PXDNL: variants seen among roughly 807,000 people sequenced by gnomAD.
PXDNL encodes peroxidasin like.
A neutral mutation model predicts 150.8 loss-of-function variants in PXDNL; 145 were observed. That is an observed-to-expected ratio of 0.96 (90% CI 0.84 to 1.10). The LOEUF (loss-of-function observed/expected upper bound fraction) is 1.10, where lower values mean the gene tolerates loss of function less well. PXDNL is among the 50% of genes least tolerant of loss of function. The pLI, the probability that PXDNL is intolerant of heterozygous loss-of-function variation, is 0.00. For synonymous variants in PXDNL, 757 were observed against 725.7 expected, an observed-to-expected ratio of 1.04 and a Z score of -0.69; for missense variants, 2,087 against 1,873.9, an observed-to-expected ratio of 1.11 and a Z score of -2.10.
intron 5 of PXDNL, among the ~76,000 whole-genome samples, chr8:51,489,255 A>C (rs959390541): frequency 1.4e-4 from 22 of 152,228 alleles, no homozygotes; most frequent in African/African-American, 5.1e-4. Flanking sequence ...TTTACATTGA[A>C]AACTCCAATA....
intron 5 of PXDNL, among the ~76,000 whole-genome samples, chr8:51,497,357 T>A (rs1811075517): frequency 1.3e-5 from 2 of 152,102 alleles, no homozygotes. Context: ...GCAATACCAT[T>A]CAGGACATAG....
intron 22 of PXDNL, 117 bp downstream of exon 22, chr8:51,320,667 G>T: frequency 1.4e-6 from 1 of 730,238 alleles, no homozygotes; most frequent in Non-Finnish European, 2.3e-6. Context: ...TTAAAAATAT[G>T]CCTAGAATCT....
intron 1 of PXDNL, among the ~76,000 whole-genome samples, chr8:51,708,990 C>T (rs1816440983): frequency 6.6e-6 from 1 of 151,878 alleles, no homozygotes; most frequent in Non-Finnish European, 1.5e-5. Context: ...TTTGGGGATT[C>T]CAGCCTTTGG....
At chr8:51,407,197 A>G (rs1170681657) in intron 17 of PXDNL, among the ~76,000 whole-genome samples, 1 of 152,166 alleles carries the variant, frequency 6.6e-6, no homozygotes, top group East Asian at 1.9e-4. Flanking sequence ...GGGTACTCTG[A>G]TTTCTTTTAA....
At chr8:51,707,936 AATATAT>A (rs938578393) in intron 1 of PXDNL, among the ~76,000 whole-genome samples, 1 of 151,780 alleles carries the variant, frequency 6.6e-6, no homozygotes, top group Non-Finnish European at 1.5e-5. Context: ...CGCACATACA[AATATAT>A]ATATATAATA....
At chr8:51,763,850 C>T (rs1421923228) in intron 1 of PXDNL, among the ~76,000 whole-genome samples, 1 of 152,076 alleles carries the variant, frequency 6.6e-6, no homozygotes, top group Non-Finnish European at 1.5e-5. Flanking sequence ...ATCATATTTC[C>T]TCCTCTTCAA....
At chr8:51,556,769 A>G in intron 4 of PXDNL, 71 bp downstream of exon 4, 1 of 802,118 alleles carries the variant, frequency 1.2e-6, no homozygotes, top group Non-Finnish European at 2.2e-6. Context: ...CTATCACATA[A>G]TGGCATTTAA....
intron 2 of PXDNL, among the ~76,000 whole-genome samples, chr8:51,639,092 T>A (rs1172937449): frequency 2.0e-5 from 3 of 152,216 alleles, no homozygotes; most frequent in Non-Finnish European, 4.4e-5. Flanking sequence ...AACCTGCTCC[T>A]GAATGACTAC....
chr8:51,443,384 A>G (rs1809599880), intron 12 of PXDNL, among the ~76,000 whole-genome samples: 1 of 152,156 alleles, frequency 6.6e-6, no homozygotes, highest in Non-Finnish European at 1.5e-5. Flanking sequence ...ACAAAGAGCT[A>G]AAAGGGATTG....
chr8:51,743,530 TG>T (rs1207997420), intron 1 of PXDNL, among the ~76,000 whole-genome samples: 1 of 152,034 alleles, frequency 6.6e-6, no homozygotes, highest in Non-Finnish European at 1.5e-5. Context: ...TAGAGGTGCC[TG>T]CCACCACACC....
intron 1 of PXDNL, among the ~76,000 whole-genome samples, chr8:51,657,753 G>A (rs576775891): frequency 1.6e-4 from 25 of 152,316 alleles, no homozygotes; most frequent in Non-Finnish European, 2.5e-4. Context: ...TGAAAATAAT[G>A]TGAAAAGATG....
At chr8:51,780,337 C>G (rs779586337) in intron 1 of PXDNL, among the ~76,000 whole-genome samples, 16 of 152,104 alleles carry the variant, frequency 1.1e-4, no homozygotes, top group Non-Finnish European at 2.2e-4. Flanking sequence ...CTGAAAATGC[C>G]ACCAAAATGA....
chr8:51,804,390 T>A (rs1462667794), intron 1 of PXDNL, among the ~76,000 whole-genome samples: 1 of 152,212 alleles, frequency 6.6e-6, no homozygotes. Flanking sequence ...TAGTGATTTT[T>A]GGGGACCCAA....
chr8:51,541,268 A>AAG (rs1337238384), intron 4 of PXDNL, among the ~76,000 whole-genome samples: 232 of 151,886 alleles, frequency 1.5e-3, no homozygotes, highest in African/African-American at 5.0e-3. Flanking sequence ...AAAAAAAAAA[A>AAG]AAGAATATTG....
At chr8:51,387,764 T>C (rs1586060489) in intron 17 of PXDNL, among the ~76,000 whole-genome samples, 1 of 152,240 alleles carries the variant, frequency 6.6e-6, no homozygotes, top group African/African-American at 2.4e-5. Context: ...TCACCTTAAA[T>C]ATGTTTTCAA....
chr8:51,779,030 C>T (rs1420138973), intron 1 of PXDNL, among the ~76,000 whole-genome samples: 2 of 152,122 alleles, frequency 1.3e-5, no homozygotes, highest in African/African-American at 4.8e-5. Context: ...ACCTGGCTCT[C>T]ATAGGATTAT....
At chr8:51,322,372 C>T (rs1790108154) in intron 21 of PXDNL, among the ~76,000 whole-genome samples, 1 of 151,952 alleles carries the variant, frequency 6.6e-6, no homozygotes, top group South Asian at 2.1e-4. Context: ...AGAAACAGAT[C>T]AGTATTTCAG....
intron 8 of PXDNL, among the ~76,000 whole-genome samples, chr8:51,460,879 C>T (rs1334720115): frequency 2.0e-5 from 3 of 152,168 alleles, no homozygotes; most frequent in South Asian, 2.1e-4. Context: ...CTCCATCTTG[C>T]TCTGAGTCAC....
chr8:51,720,291 T>G (rs1435449690), intron 1 of PXDNL, among the ~76,000 whole-genome samples: 2 of 152,064 alleles, frequency 1.3e-5, no homozygotes, highest in Non-Finnish European at 2.9e-5. Context: ...CCTTTATGTC[T>G]GAATTGTTTT....
Sources: allele counts gnomAD v4.1 joint callset (sites outside exome capture counted in the v4.1 genomes callset), GRCh38; gene constraint gnomAD v4.1.1; transcripts MANE v1.5; gene names NCBI Gene and HGNC (gene_info 2026-07-23, HGNC 2026-07-21).